The following ABAT variants were observed in gnomAD, a reference collection of about 807,000 sequenced individuals.
ABAT encodes 4-aminobutyrate aminotransferase.
Under a neutral mutation model 64.6 loss-of-function variants are expected in ABAT, and 45 were observed. The ratio of observed to expected loss-of-function variants is 0.70; its 90% CI spans 0.55 to 0.89. ABAT has a LOEUF of 0.89. Ranked by LOEUF, ABAT falls within the 40% of genes least tolerant of loss-of-function variation. The pLI is 0.00. For missense variants in ABAT, 633 were observed against 658.4 expected, an observed-to-expected ratio of 0.96 and a Z score of 0.42; for synonymous variants, 297 against 250.5, an observed-to-expected ratio of 1.19 and a Z score of -1.75.
At chr16:8,701,430 C>A (rs1308973861) in intron 1 of ABAT, among the ~76,000 whole-genome samples, 1 of 152,242 alleles carries the variant, frequency 6.6e-6, no homozygotes. Flanking sequence ...ATTGGCCAGG[C>A]CCTGCCCTTA....
chr16:8,743,982 A>C (rs1445692202), intron 2 of ABAT, among the ~76,000 whole-genome samples: 1 of 152,090 alleles, frequency 6.6e-6, no homozygotes, highest in African/African-American at 2.4e-5. Flanking sequence ...GGGATCAGCA[A>C]GGCTTGGGCT....
chr16:8,687,700 T>C (rs1596399451), intron 1 of ABAT, among the ~76,000 whole-genome samples: 1 of 152,154 alleles, frequency 6.6e-6, no homozygotes. Flanking sequence ...CTGAGGCCTG[T>C]GTCTTAGACC....
intron 9 of ABAT, among the ~76,000 whole-genome samples, chr16:8,767,576 G>A (rs2059980767): frequency 6.6e-6 from 1 of 152,194 alleles, no homozygotes; most frequent in African/African-American, 2.4e-5. Context: ...GGTACTGCTT[G>A]GCCACTTACA....
Position 8,679,169 on chromosome 16 carries a change from G to C in ABAT, c.-42+4458G>C, listed in dbSNP as rs143106449. ...ACTGCACTCCAACCTGGGCAACAAA[G>C]GGACACTGTAAATAATTAATCATAA... On this transcript the variant is annotated intron_variant, in intron 1 of 15. Transcript: ENST00000268251. Among the ~76,000 whole-genome samples the C allele has an allele frequency of 1.7e-3, 260 of 152,226 alleles. 2 individuals carry two copies. The highest frequency in any genetic ancestry group is 5.9e-3 in the African/African-American group (244 of 41,554).
At chr16:8,778,631 A>C (rs1032930677) in intron 14 of ABAT, among the ~76,000 whole-genome samples, 5 of 152,140 alleles carry the variant, frequency 3.3e-5, no homozygotes, top group African/African-American at 1.2e-4. Context: ...AAAAAAAGTT[A>C]GCCAGGTGTG....
chr16:8,768,179 T>A lies in ABAT; in HGVS notation c.604-14T>A. ...TTACAACTATGACTAATGACTGATATTTCTTGGTTTTAGGCCCCTGGCTGC... is the reference window on the plus strand; with the variant it reads ...TTACAACTATGACTAATGACTGATAATTCTTGGTTTTAGGCCCCTGGCTGC... On this transcript the variant is annotated splice_polypyrimidine_tract_variant and intron_variant, in intron 9 of 15. Transcript: ENST00000268251. The A allele has an allele frequency of 8.1e-6, 13 of 1,613,428 alleles. No homozygotes were observed. The highest frequency in any genetic ancestry group is 1.1e-5 in the Non-Finnish European group (13 of 1,179,466).
At chr16:8,679,724 G>C (rs2057288203) in intron 1 of ABAT, among the ~76,000 whole-genome samples, 1 of 151,966 alleles carries the variant, frequency 6.6e-6, no homozygotes, top group Admixed American at 6.6e-5. Flanking sequence ...GCCTCAGAAA[G>C]GACAGTGGGG....
intron 3 of ABAT, among the ~76,000 whole-genome samples, chr16:8,746,664 A>AT (rs1276600344): frequency 4.0e-5 from 6 of 151,542 alleles, no homozygotes; most frequent in African/African-American, 1.5e-4. Flanking sequence ...TACAGGCGAG[A>AT]TGGTGCCTCT....
In ABAT at chr16:8,746,097, A is replaced by T. The variant is rs1731017; in HGVS notation, c.167A>T (p.Gln56Leu). ...MKTEVPGPRSQELMKQLNIIQ... is the reference protein window; with the variant it reads ...MKTEVPGPRSLELMKQLNIIQ... ...ACGGAAGTCCCAGGGCCTAGATCTCAGGTGAGTTGAGCACACCTGAGTGGG... is the reference window on the plus strand; with the variant it reads ...ACGGAAGTCCCAGGGCCTAGATCTCTGGTGAGTTGAGCACACCTGAGTGGG... The change falls in exon 3 of 16, where the codon CAG (glutamine) becomes CTG (leucine). Residue 56 changes from glutamine (Q) to leucine (L), a missense_variant and splice_region_variant. Transcript: ENST00000268251. 6.2e-7 allele frequency: 1 copy of T among 1,612,168 alleles called. No individual in the cohort carries two copies. The highest frequency in any genetic ancestry group is 8.5e-7 in the Non-Finnish European group (1 of 1,179,226).
rs200472536 is a variant in ABAT at position 8,735,710 on chromosome 16, G to A, written c.-30G>A. 41 of 1,575,164 alleles carry A rather than the reference G, an allele frequency of 2.6e-5. No individual in the cohort carries two copies. Among genetic ancestry groups the A allele is most frequent in the East Asian group, 9.2e-5 (4 of 43,552 alleles). ...CTGGTTTCTTTCAGGGTGGCAGCAC[G>A]CAAAGGGTGTCCCTGTCCCTCAAGG... On this transcript the variant is annotated 5_prime_UTR_variant, in exon 2 of 16. Coordinates refer to ENST00000268251, the MANE Select transcript of ABAT (RefSeq NM_020686.6).
At chr16:8,780,969 G>C (rs2060418756) in intron 15 of ABAT, among the ~76,000 whole-genome samples, 1 of 152,080 alleles carries the variant, frequency 6.6e-6, no homozygotes, top group Non-Finnish European at 1.5e-5. Context: ...TTTGTGGAAG[G>C]CAAGGACTTT....
chr16:8,781,157 A>C lies in ABAT; in HGVS notation c.1382-152A>C. On this transcript the variant is annotated intron_variant, in intron 15 of 15. Coordinates refer to ENST00000268251, the MANE Select transcript of ABAT (RefSeq NM_020686.6). The surrounding 1 kb of genome is among the most constrained non-coding windows in gnomAD (Gnocchi z 4.5). The stretch of plus-strand genomic sequence containing the variant: ...AATGAAGACTGGATGGGTGGGTGGT[A>C]GGAAGGAAGCCCGGGCTTCCATGAT... 1 of 1,161,802 alleles carries C rather than the reference A, an allele frequency of 8.6e-7. No homozygotes were observed. The highest frequency in any genetic ancestry group is 1.3e-6 in the Non-Finnish European group (1 of 777,124). 72.0% of individuals were successfully genotyped at this position (1,161,802 alleles called of 1,614,324 possible).
intron 9 of ABAT, among the ~76,000 whole-genome samples, chr16:8,767,944 G>A: frequency 6.6e-6 from 1 of 151,836 alleles, no homozygotes; most frequent in East Asian, 1.9e-4. Context: ...CCAAAGTGCT[G>A]GGATTACAGG....
In ABAT at chr16:8,772,751, C is replaced by T. The variant is rs575225032; in HGVS notation, c.817-29C>T. ...GATACTGGTCACAAGCCTCTGCCATCGGTGGTCACTTTCCCCTTTGGGATC... is the reference window on the plus strand; with the variant it reads ...GATACTGGTCACAAGCCTCTGCCATTGGTGGTCACTTTCCCCTTTGGGATC... On this transcript the variant is annotated intron_variant, in intron 11 of 15. Coordinates refer to ENST00000268251, the MANE Select transcript of ABAT (RefSeq NM_020686.6). The T allele has an allele frequency of 8.1e-6, 13 of 1,613,928 alleles. No individual in the cohort carries two copies. In the African/African-American group the frequency reaches 1.2e-4, roughly 15 times the overall value.
chr16:8,685,826 A>C (rs866856192), intron 1 of ABAT, among the ~76,000 whole-genome samples: 20 of 152,310 alleles, frequency 1.3e-4, no homozygotes, highest in African/African-American at 4.3e-4. Context: ...GTGACCCATG[A>C]TCTTGAATTT....
At chr16:8,723,827 A>ATATTTT (rs1567286201) in intron 1 of ABAT, among the ~76,000 whole-genome samples, 3 of 40,358 alleles carry the variant, frequency 7.4e-5, no homozygotes, top group Admixed American at 5.3e-4. Flanking sequence ...ATATATATAT[A>ATATTTT]TTTTTTTTTT....
At chr16:8,735,046 T>TAAA (rs34887951) in intron 1 of ABAT, among the ~76,000 whole-genome samples, 2 of 147,644 alleles carry the variant, frequency 1.4e-5, no homozygotes, top group Non-Finnish European at 1.5e-5. Flanking sequence ...CATCTCTACT[T>TAAA]AAAAAAAAAA....
intron 3 of ABAT, among the ~76,000 whole-genome samples, chr16:8,747,875 C>T (rs1457307100): frequency 1.3e-5 from 2 of 152,018 alleles, no homozygotes; most frequent in African/African-American, 4.8e-5. Flanking sequence ...TTTTATCTTT[C>T]AGGTGGCTGA....
chr16:8,770,861 G>C (rs567822426), intron 11 of ABAT, among the ~76,000 whole-genome samples: 6 of 152,158 alleles, frequency 3.9e-5, no homozygotes, highest in Non-Finnish European at 8.8e-5. Flanking sequence ...TTTAAACAAT[G>C]TGATTTTTAT....
Sources: allele counts gnomAD v4.1 joint callset (sites outside exome capture counted in the v4.1 genomes callset), GRCh38; gene constraint gnomAD v4.1.1; non-coding constraint Gnocchi (gnomAD v3.1); transcripts MANE v1.5; gene names NCBI Gene and HGNC (gene_info 2026-07-23, HGNC 2026-07-21).